The following RBFOX1 variants were observed in gnomAD, a reference collection of about 807,000 sequenced individuals.
The protein encoded by RBFOX1 is RNA binding protein fox-1 homolog 1.
A neutral mutation model predicts 57.7 loss-of-function variants in RBFOX1; 8 were observed. The observed-to-expected ratio is 0.14, with a 90% CI of 0.08 to 0.25. The LOEUF (loss-of-function observed/expected upper bound fraction) is 0.25, where lower values mean the gene tolerates loss of function less well. Ranked by LOEUF, RBFOX1 falls within the 10% of genes least tolerant of loss-of-function variation. The probability of loss-of-function intolerance (pLI) is 1.00; values close to 1 mark genes in which losing one functional copy is unlikely to be tolerated. For synonymous variants in RBFOX1, 326 were observed against 222.4 expected (o/e 1.47, Z -4.15); for missense variants, 611 against 548.5 (o/e 1.11, Z -1.14).
intron 4 of RBFOX1, among the ~76,000 whole-genome samples, chr16:5,982,092 C>T (rs1001847974): frequency 3.9e-5 from 6 of 152,120 alleles, no homozygotes; most frequent in Non-Finnish European, 8.8e-5. Flanking sequence ...TCTCATGGGG[C>T]ACAGGGCCAG....
chr16:5,472,639 G>A (rs2069178192), intron 2 of RBFOX1, among the ~76,000 whole-genome samples: 1 of 152,156 alleles, frequency 6.6e-6, no homozygotes, highest in Non-Finnish European at 1.5e-5. Flanking sequence ...CTCCTGGACT[G>A]GGTCTCACCT....
intron 2 of RBFOX1, among the ~76,000 whole-genome samples, chr16:5,488,024 G>A (rs1317622923): frequency 6.6e-6 from 1 of 152,048 alleles, no homozygotes; most frequent in African/African-American, 2.4e-5. Context: ...GATGATGATG[G>A]TTGTGGTGCT....
At chr16:7,563,966 C>G (rs9935476) in intron 5 of RBFOX1, among the ~76,000 whole-genome samples, 132,219 of 152,136 alleles carry the variant, frequency 0.87, 58,708 homozygotes, top group Non-Finnish European at 0.97. Flanking sequence ...GATTGGATAA[C>G]TGAGCACCTG....
At chr16:5,281,606 C>T (rs1250070811) in intron 1 of RBFOX1, among the ~76,000 whole-genome samples, 6 of 152,166 alleles carry the variant, frequency 3.9e-5, no homozygotes, top group Non-Finnish European at 7.3e-5. Context: ...TCTGTATGCT[C>T]TTATGTTGGT....
chr16:5,483,293 C>T (rs574625773), intron 2 of RBFOX1, among the ~76,000 whole-genome samples: 11 of 152,320 alleles, frequency 7.2e-5, no homozygotes, highest in Non-Finnish European at 1.2e-4. Context: ...CCACTTCATG[C>T]TCTTCGTGCT....
chr16:7,128,780 A>G (rs138745705), intron 4 of RBFOX1, among the ~76,000 whole-genome samples: 2 of 151,232 alleles, frequency 1.3e-5, no homozygotes, highest in African/African-American at 4.9e-5. Flanking sequence ...CTATTTTGGT[A>G]ATCTGTCTGA....
chr16:7,671,395 G>A (rs986718897), intron 13 of RBFOX1, among the ~76,000 whole-genome samples: 7 of 152,184 alleles, frequency 4.6e-5, no homozygotes, highest in African/African-American at 1.7e-4. Context: ...GTTTGTCGAT[G>A]CCCAGTGCCC....
intron 4 of RBFOX1, among the ~76,000 whole-genome samples, chr16:5,904,495 G>T (rs2152189917): frequency 6.6e-6 from 1 of 151,954 alleles, no homozygotes; most frequent in Non-Finnish European, 1.5e-5. Context: ...ATCAAGACAA[G>T]CAGAATGTGG....
intron 2 of RBFOX1, among the ~76,000 whole-genome samples, chr16:6,492,396 C>T (rs111661766): frequency 0.013 from 1,980 of 152,116 alleles, 45 homozygotes; most frequent in African/African-American, 0.045. Context: ...AGTGGAACCT[C>T]GTCTCTACTA....
At chr16:6,916,824 G>T (rs1314546346) in intron 3 of RBFOX1, among the ~76,000 whole-genome samples, 1 of 151,990 alleles carries the variant, frequency 6.6e-6, no homozygotes, top group Non-Finnish European at 1.5e-5. Flanking sequence ...TTTGTACCTT[G>T]ATCTTGTTTT....
chr16:7,582,247 C>T (rs1474159617), intron 6 of RBFOX1, among the ~76,000 whole-genome samples: 3 of 152,206 alleles, frequency 2.0e-5, no homozygotes, highest in Non-Finnish European at 4.4e-5. Context: ...GATAGATACA[C>T]TTAATACCTG....
intron 3 of RBFOX1, among the ~76,000 whole-genome samples, chr16:6,736,652 T>A (rs1404978416): frequency 6.6e-6 from 1 of 152,240 alleles, no homozygotes. Flanking sequence ...AATAATGACA[T>A]CTTTTCATCT....
chr16:5,388,514 G>T (rs1250519947), intron 1 of RBFOX1, among the ~76,000 whole-genome samples: 2 of 152,070 alleles, frequency 1.3e-5, no homozygotes, highest in Non-Finnish European at 2.9e-5. Context: ...CTGTGAGCTG[G>T]ATTTGGCCTG....
chr16:6,570,497 A>C (rs7204846), intron 2 of RBFOX1, among the ~76,000 whole-genome samples: 99,474 of 151,648 alleles, frequency 0.66, 33,339 homozygotes, highest in African/African-American at 0.8. Context: ...TACTCTCTCT[A>C]TATATATATA....
intron 2 of RBFOX1, among the ~76,000 whole-genome samples, chr16:6,476,220 C>T (rs971257103): frequency 6.6e-6 from 1 of 152,150 alleles, no homozygotes; most frequent in Non-Finnish European, 1.5e-5. Context: ...TATAATCTCA[C>T]TAGCAAATAC....
intron 4 of RBFOX1, among the ~76,000 whole-genome samples, chr16:7,300,738 GA>G (rs543800255): frequency 8.3e-4 from 126 of 152,222 alleles, no homozygotes; most frequent in Middle Eastern, 3.4e-3. Context: ...AAAGTTGGAA[GA>G]AAAAAAGTTA....
chr16:7,495,536 A>ATC (rs1339785398), intron 4 of RBFOX1, among the ~76,000 whole-genome samples: 13 of 152,156 alleles, frequency 8.5e-5, no homozygotes, highest in Admixed American at 1.3e-4. Flanking sequence ...ATGGTATCTC[A>ATC]CTGTGGTTTA....
intron 4 of RBFOX1, among the ~76,000 whole-genome samples, chr16:5,923,208 C>A (rs985495832): frequency 6.6e-6 from 1 of 152,054 alleles, no homozygotes; most frequent in Admixed American, 6.6e-5. Flanking sequence ...GGCGAGACTT[C>A]CAGGGAAGAG....
intron 2 of RBFOX1, among the ~76,000 whole-genome samples, chr16:6,653,459 A>T (rs183216539): frequency 5.6e-4 from 86 of 152,218 alleles, no homozygotes; most frequent in Middle Eastern, 3.4e-3. Context: ...TAATGCCACT[A>T]TTGCTTGTGG....
Sources: gnomAD v4.1 joint callset for allele counts (sites outside exome capture counted in the v4.1 genomes callset) on GRCh38, gnomAD v4.1.1 for gene constraint, MANE v1.5 for transcripts, NCBI Gene and HGNC (gene_info 2026-07-23, HGNC 2026-07-21) for gene names.